LRP2: variants seen among roughly 807,000 people sequenced by gnomAD.
The protein encoded by LRP2 is low-density lipoprotein receptor-related protein 2.
A neutral mutation model predicts 531.0 loss-of-function variants in LRP2; 172 were observed. The observed-to-expected ratio is 0.32, with a 90% CI of 0.29 to 0.37. The LOEUF (loss-of-function observed/expected upper bound fraction) is 0.37, where lower values mean the gene tolerates loss of function less well. Ranked by LOEUF, LRP2 falls within the 10% of genes least tolerant of loss-of-function variation. The probability of loss-of-function intolerance (pLI) is 1.00; values close to 1 mark genes in which losing one functional copy is unlikely to be tolerated. For synonymous variants in LRP2, 1,992 were observed against 2,027.6 expected, an observed-to-expected ratio of 0.98 and a Z score of 0.47; for missense variants, 5,167 against 5,868.3, an observed-to-expected ratio of 0.88 and a Z score of 3.90.
Position 169,216,390 on chromosome 2 carries a change from G to A in LRP2, c.5689C>T (p.Pro1897Ser), listed in dbSNP as rs775502143. Residue 1897 changes from proline (P) to serine (S), a missense_variant, in exon 35 of 79, where the codon CCT becomes TCT. This residue lies in a region of LRP2 where 2,811 missense variants were observed against 3,058.0 expected (regional missense o/e 0.92). Coordinates refer to ENST00000649046, the MANE Select transcript of LRP2 (RefSeq NM_004525.3). The stretch of plus-strand genomic sequence containing the variant: ...ATGTTAGCACTGGCGATCTTGGCAG[G>A]AACCCCACTGTCAGTTCCTTGGTCT... ...WSDQGTDSGV[P>S]AKIASANMDG... 7.4e-6 allele frequency: 12 copies of A among 1,613,466 alleles called. 1 individual carries two copies. In the South Asian group the frequency reaches 1.3e-4, roughly 18 times the overall value.
intron 1 of LRP2, among the ~76,000 whole-genome samples, chr2:169,321,502 G>A (rs1031117609): frequency 4.7e-5 from 7 of 149,090 alleles, no homozygotes; most frequent in Admixed American, 3.3e-4. Flanking sequence ...AATGTTAACA[G>A]TGGTTATCTC....
chr2:169,282,851 C>A, intron 10 of LRP2, 22 bp downstream of exon 10: 2 of 1,611,522 alleles, frequency 1.2e-6, no homozygotes, highest in Non-Finnish European at 1.7e-6. Flanking sequence ...TTCAGAGACA[C>A]AGGTGTCCAT....
chr2:169,289,353 C>A (rs1683941791), intron 8 of LRP2, among the ~76,000 whole-genome samples: 2 of 152,020 alleles, frequency 1.3e-5, no homozygotes, highest in Non-Finnish European at 1.5e-5. Flanking sequence ...AGATCAAGAC[C>A]AGCCTGGGTA....
chr2:169,288,986 T>C (rs759889470), intron 9 of LRP2, 40 bp downstream of exon 9: 2 of 1,612,464 alleles, frequency 1.2e-6, no homozygotes, highest in Non-Finnish European at 1.7e-6. Context: ...ATCAGTGTAC[T>C]GTAATGAAAG....
Position 169,170,921 on chromosome 2 carries a change from G to GTTTTTTT in LRP2, c.11264-261_11264-255dup, listed in dbSNP as rs57451386. Among the ~76,000 whole-genome samples the GTTTTTTT allele has an allele frequency of 2.3e-4, 21 of 91,866 alleles. 1 individual carries two copies. Among genetic ancestry groups the GTTTTTTT allele is most frequent in the African/African-American group, 4.7e-4 (11 of 23,178 alleles). The allele number at this position is 91,866 out of a possible 152,430, so 60.3% of individuals were successfully genotyped here. A position where few individuals can be genotyped will look rare whatever the true frequency, so the allele number is the denominator to read the frequency against. The stretch of plus-strand genomic sequence containing the variant: ...TCTTTCTCTCTTGCTCTCTCTCTCT[G>GTTTTTTT]TTTTTTTTTTTTTTTTTTTTTTTGA... On this transcript the variant is annotated intron_variant, in intron 58 of 78. Coordinates refer to ENST00000649046, the MANE Select transcript of LRP2 (RefSeq NM_004525.3).
intron 24 of LRP2, 61 bp downstream of exon 24, chr2:169,242,895 C>T: frequency 8.1e-7 from 1 of 1,232,882 alleles, no homozygotes; most frequent in South Asian, 1.2e-5. Flanking sequence ...ATATCAATAT[C>T]AATACTGGCA....
intron 32 of LRP2, among the ~76,000 whole-genome samples, chr2:169,226,105 A>G (rs1426128728): frequency 6.6e-6 from 1 of 152,212 alleles, no homozygotes; most frequent in Non-Finnish European, 1.5e-5. Context: ...GCTTCTTGGC[A>G]TGTATTCTGT....
At chr2:169,336,085 G>A (rs1190922259) in intron 1 of LRP2, among the ~76,000 whole-genome samples, 1 of 149,968 alleles carries the variant, frequency 6.7e-6, no homozygotes, top group Non-Finnish European at 1.5e-5. Flanking sequence ...TTATATAACA[G>A]AAGAATGCAA....
rs1019483492 is a variant in LRP2 at position 169,174,910 on chromosome 2, A to G, written c.10768+283T>C. ...GTGGAAACCTCTCGTTTCCTCCTCA[A>G]TGTTAGCTCTCAAAGGGGATTCAAT... On this transcript the variant is annotated intron_variant, in intron 55 of 78. Coordinates refer to ENST00000649046, the MANE Select transcript of LRP2 (RefSeq NM_004525.3). 4.6e-4 allele frequency among the ~76,000 whole-genome samples: 69 copies of G among 150,666 alleles called. 1 individual carries two copies. Among genetic ancestry groups the G allele is most frequent in the Non-Finnish European group, 1.2e-4 (8 of 67,830 alleles).
At chr2:169,279,730 TATC>T (rs1441256570) in intron 11 of LRP2, 135 bp from the exon 12 acceptor site, 20 of 635,602 alleles carry the variant, frequency 3.1e-5, no homozygotes, top group Non-Finnish European at 3.9e-5. Context: ...TCATGCAAGT[TATC>T]ATTTAAATAA....
At chr2:169,338,403 A>AGAAAGAAG (rs1685477336) in intron 1 of LRP2, among the ~76,000 whole-genome samples, 1 of 118,436 alleles carries the variant, frequency 8.4e-6, no homozygotes. Context: ...AAAGAAAGAA[A>AGAAAGAAG]GAAAGAAAAG....
intron 44 of LRP2, among the ~76,000 whole-genome samples, chr2:169,199,396 CAA>C (rs1209644435): frequency 6.6e-6 from 1 of 151,910 alleles, no homozygotes; most frequent in Non-Finnish European, 1.5e-5. Flanking sequence ...GTGTGTGTAG[CAA>C]GAGAGAGATG....
intron 35 of LRP2, among the ~76,000 whole-genome samples, chr2:169,214,072 A>T (rs1222982369): frequency 6.6e-6 from 1 of 152,116 alleles, no homozygotes. Context: ...TGCCCCTTTC[A>T]TTGATAATGA....
At chr2:169,245,896 G>T (rs1400278411) in intron 21 of LRP2, among the ~76,000 whole-genome samples, 1 of 152,000 alleles carries the variant, frequency 6.6e-6, no homozygotes, top group Non-Finnish European at 1.5e-5. Flanking sequence ...TTTTGAGGCA[G>T]GGCTTCACTC....
In LRP2 at chr2:169,175,323, G is replaced by T. The variant is rs759669020; in HGVS notation, c.10638C>A (p.Ala3546=). The change falls in exon 55 of 79, where the codon GCC becomes GCA. Residue 3546 remains alanine (A), a synonymous_variant. Coordinates refer to ENST00000649046, the MANE Select transcript of LRP2 (RefSeq NM_004525.3). ...KDCSDGSDEL[A]LCPQRFCRLG... is the part of the protein sequence containing the mutation. Reference sequence around the variant, plus strand: ...GTCGGCAGAAGCGCTGCGGGCAAAGGGCCAGTTCATCAGAGCCATCTGAGC... The same window carrying T: ...GTCGGCAGAAGCGCTGCGGGCAAAGTGCCAGTTCATCAGAGCCATCTGAGC... 1 of 1,614,162 alleles carries T rather than the reference G, an allele frequency of 6.2e-7. No homozygotes were observed. The highest frequency in any genetic ancestry group is 1.7e-5 in the Admixed American group (1 of 60,022).
At chr2:169,321,821 A>G (rs1684915411) in intron 1 of LRP2, among the ~76,000 whole-genome samples, 1 of 152,222 alleles carries the variant, frequency 6.6e-6, no homozygotes, top group Non-Finnish European at 1.5e-5. Context: ...AGTGGCAGTG[A>G]TAGTCCCTAG....
intron 1 of LRP2, among the ~76,000 whole-genome samples, chr2:169,333,171 G>C (rs1685310236): frequency 6.6e-6 from 1 of 151,978 alleles, no homozygotes; most frequent in African/African-American, 2.4e-5. Flanking sequence ...TTTAAAAACT[G>C]GTTTTGCTGA....
intron 68 of LRP2, among the ~76,000 whole-genome samples, chr2:169,149,283 G>A (rs2105351692): frequency 6.6e-6 from 1 of 152,322 alleles, no homozygotes; most frequent in East Asian, 1.9e-4. Flanking sequence ...ATTATCAGTA[G>A]TTATCATCTT....
rs536087982 is a variant in LRP2, at chr2:169,133,227, C to A, written c.13621-546G>T. Among the ~76,000 whole-genome samples, 62 of 152,212 alleles carry A rather than the reference C, an allele frequency of 4.1e-4. 1 individual carries two copies. Among genetic ancestry groups the A allele is most frequent in the Non-Finnish European group, 7.9e-4 (54 of 68,040 alleles). ...GAATGATAGAATTAATAATCTTCTA[C>A]GCATTTTTCTATAACATTCATACAA... On this transcript the variant is annotated intron_variant, in intron 76 of 78. Coordinates refer to ENST00000649046, the MANE Select transcript of LRP2 (RefSeq NM_004525.3).
Sources: allele counts gnomAD v4.1 joint callset (sites outside exome capture counted in the v4.1 genomes callset), GRCh38; gene constraint gnomAD v4.1.1; regional missense constraint gnomAD v4.1.1; transcripts MANE v1.5; gene names NCBI Gene and HGNC (gene_info 2026-07-23, HGNC 2026-07-21).